ATRNL1: variants seen among roughly 807,000 people sequenced by gnomAD.
ATRNL1 encodes attractin-like protein 1.
A neutral mutation model predicts 182.7 loss-of-function variants in ATRNL1; 95 were observed. The observed-to-expected ratio is 0.52, with a 90% CI of 0.44 to 0.62. The LOEUF (loss-of-function observed/expected upper bound fraction) is 0.62. Ranked by LOEUF, ATRNL1 falls within the 20% of genes least tolerant of loss-of-function variation. The pLI is 0.00. For synonymous variants in ATRNL1, 576 were observed against 568.3 expected, an observed-to-expected ratio of 1.01 and a Z score of -0.19; for missense variants, 1,471 against 1,679.5, an observed-to-expected ratio of 0.88 and a Z score of 2.17.
intron 18 of ATRNL1, among the ~76,000 whole-genome samples, chr10:115,323,855 G>A (rs962246381): frequency 1.3e-5 from 2 of 151,522 alleles, no homozygotes; most frequent in Admixed American, 6.6e-5. Flanking sequence ...TCGGCTCACC[G>A]CAAGCTCCAC....
chr10:115,157,092 A>C (rs1846556348), intron 5 of ATRNL1, among the ~76,000 whole-genome samples: 1 of 152,158 alleles, frequency 6.6e-6, no homozygotes, highest in Non-Finnish European at 1.5e-5. Flanking sequence ...CATAGCTAGA[A>C]TATTTGGAAT....
intron 28 of ATRNL1, among the ~76,000 whole-genome samples, chr10:115,920,571 A>G (rs1460403731): frequency 6.6e-6 from 1 of 152,242 alleles, no homozygotes; most frequent in African/African-American, 2.4e-5. Context: ...CAGATCTGGC[A>G]TGAGACTCAT....
intron 27 of ATRNL1, among the ~76,000 whole-genome samples, chr10:115,821,121 T>C (rs868987804): frequency 6.6e-6 from 1 of 152,148 alleles, no homozygotes. Context: ...TGTAGAACTA[T>C]GAGTCAATTA....
chr10:115,522,870 G>A (rs541260876), intron 25 of ATRNL1, among the ~76,000 whole-genome samples: 12 of 152,068 alleles, frequency 7.9e-5, no homozygotes, highest in South Asian at 2.1e-4. Context: ...AAAATATAGC[G>A]GGGAAGACAT....
At chr10:115,761,527 A>G (rs2134145660) in intron 27 of ATRNL1, among the ~76,000 whole-genome samples, 1 of 152,326 alleles carries the variant, frequency 6.6e-6, no homozygotes, top group South Asian at 2.1e-4. Flanking sequence ...AGGATTGAAG[A>G]GTGATGCCCT....
intron 28 of ATRNL1, among the ~76,000 whole-genome samples, chr10:115,882,264 G>T (rs774225908): frequency 3.3e-5 from 5 of 152,188 alleles, no homozygotes; most frequent in Non-Finnish European, 5.9e-5. Flanking sequence ...TGCCTGCAGG[G>T]TGCCCACACT....
intron 28 of ATRNL1, among the ~76,000 whole-genome samples, chr10:115,861,726 T>C (rs1195607927): frequency 6.6e-6 from 1 of 152,214 alleles, no homozygotes; most frequent in African/African-American, 2.4e-5. Flanking sequence ...GTTATTTTTT[T>C]CCAGATATAA....
chr10:115,550,759 A>G (rs948836016), intron 26 of ATRNL1, among the ~76,000 whole-genome samples: 2 of 152,000 alleles, frequency 1.3e-5, no homozygotes, highest in Non-Finnish European at 1.5e-5. Flanking sequence ...GATCTATTAC[A>G]GTAAAATTAT....
intron 8 of ATRNL1, among the ~76,000 whole-genome samples, chr10:115,182,756 G>A (rs1272374300): frequency 6.6e-6 from 1 of 151,296 alleles, no homozygotes; most frequent in African/African-American, 2.4e-5. Context: ...TCACCACAAT[G>A]ATATGATATA....
intron 27 of ATRNL1, among the ~76,000 whole-genome samples, chr10:115,742,721 C>T (rs573086265): frequency 1.3e-5 from 2 of 152,246 alleles, no homozygotes; most frequent in South Asian, 2.1e-4. Context: ...GTTACATTAT[C>T]TTCCTTACTG....
chr10:115,367,520 G>A (rs1554946381), intron 19 of ATRNL1, among the ~76,000 whole-genome samples: 1 of 151,874 alleles, frequency 6.6e-6, no homozygotes, highest in Non-Finnish European at 1.5e-5. Context: ...CTCTCAGCTC[G>A]TCAAAGTCAT....
intron 8 of ATRNL1, among the ~76,000 whole-genome samples, chr10:115,189,820 C>A (rs954934194): frequency 9.9e-5 from 15 of 152,114 alleles, no homozygotes; most frequent in Non-Finnish European, 1.9e-4. Context: ...CAGTAATGTC[C>A]TAGGCCTTCA....
Position 115,194,191 on chromosome 10 carries a change from T to C in ATRNL1, c.1349-21506T>C, listed in dbSNP as rs952693110. 2.0e-5 allele frequency among the ~76,000 whole-genome samples: 3 copies of C among 151,962 alleles called. No homozygotes were observed. In the East Asian group the frequency reaches 5.9e-4, roughly 30 times the overall value. Reference sequence around the variant, plus strand: ...ATTGTGCAGCTATTAGATGAAATGGTCTGTAAATGTCTATTTGGTCTGTAG... The same window carrying C: ...ATTGTGCAGCTATTAGATGAAATGGCCTGTAAATGTCTATTTGGTCTGTAG... On this transcript the variant is annotated intron_variant, in intron 8 of 28. Coordinates refer to ENST00000355044, the MANE Select transcript of ATRNL1 (RefSeq NM_207303.4).
At chr10:115,899,911 A>G (rs1952309170) in intron 28 of ATRNL1, among the ~76,000 whole-genome samples, 2 of 152,210 alleles carry the variant, frequency 1.3e-5, no homozygotes, top group Admixed American at 6.5e-5. Context: ...AAAAGTAAAT[A>G]TCTTCATCTC....
At chr10:115,100,606 C>CT in intron 1 of ATRNL1, among the ~76,000 whole-genome samples, 1 of 152,218 alleles carries the variant, frequency 6.6e-6, no homozygotes, top group African/African-American at 2.4e-5. Context: ...TTCTTGATCT[C>CT]TTTGTCTATT....
chr10:115,776,491 G>A (rs1949129090), intron 27 of ATRNL1, among the ~76,000 whole-genome samples: 1 of 152,080 alleles, frequency 6.6e-6, no homozygotes, highest in Non-Finnish European at 1.5e-5. Context: ...CTTGAATCTG[G>A]GTGGGATCTG....
intron 25 of ATRNL1, among the ~76,000 whole-genome samples, chr10:115,532,771 A>G (rs1394125486): frequency 1.3e-5 from 2 of 151,728 alleles, no homozygotes; most frequent in Non-Finnish European, 2.9e-5. Flanking sequence ...TTTGTCATAG[A>G]TAGCTCTTAT....
intron 28 of ATRNL1, among the ~76,000 whole-genome samples, chr10:115,941,209 A>C (rs1473197659): frequency 1.3e-5 from 2 of 152,268 alleles, no homozygotes; most frequent in African/African-American, 4.8e-5. Context: ...TTTTAATAAG[A>C]AATGACAAAA....
intron 8 of ATRNL1, among the ~76,000 whole-genome samples, chr10:115,199,642 GATA>G (rs1324614109): frequency 6.6e-6 from 1 of 152,090 alleles, no homozygotes; most frequent in Non-Finnish European, 1.5e-5. Flanking sequence ...TATCTGTGTA[GATA>G]ATGTAGGGTT....
Sources: allele counts gnomAD v4.1 joint callset (sites outside exome capture counted in the v4.1 genomes callset), GRCh38; gene constraint gnomAD v4.1.1; transcripts MANE v1.5; gene names NCBI Gene and HGNC (gene_info 2026-07-23, HGNC 2026-07-21).